MAP4K4: variants seen among roughly 807,000 people sequenced by gnomAD.
MAP4K4 encodes mitogen-activated protein kinase kinase kinase kinase 4, also known as HPK/GCK-like kinase HGK.
In MAP4K4, 38 loss-of-function variants were observed where a neutral mutation model predicts 189.6. The ratio of observed to expected loss-of-function variants is 0.20; its 90% CI spans 0.15 to 0.26. MAP4K4 has a LOEUF of 0.26. Ranked by LOEUF, MAP4K4 falls within the 10% of genes least tolerant of loss-of-function variation. The probability of loss-of-function intolerance (pLI) is 1.00; values close to 1 mark genes in which losing one functional copy is unlikely to be tolerated. For synonymous variants in MAP4K4, 610 were observed against 624.3 expected (o/e 0.98, Z 0.34); for missense variants, 1,054 against 1,726.9 (o/e 0.61, Z 6.91).
At chr2:101,771,718 A>G (rs1412539289) in intron 2 of MAP4K4, among the ~76,000 whole-genome samples, 1 of 152,190 alleles carries the variant, frequency 6.6e-6, no homozygotes, top group Non-Finnish European at 1.5e-5. Flanking sequence ...ATGAGGCCAG[A>G]TTGATCTTTG....
At chr2:101,881,587 TC>T (rs1238470711) in intron 27 of MAP4K4, among the ~76,000 whole-genome samples, 1 of 152,200 alleles carries the variant, frequency 6.6e-6, no homozygotes, top group Non-Finnish European at 1.5e-5. Flanking sequence ...AGAAGGGAAA[TC>T]CTTCACTTGT....
intron 2 of MAP4K4, among the ~76,000 whole-genome samples, chr2:101,727,588 T>A (rs1476207960): frequency 6.6e-6 from 1 of 152,232 alleles, no homozygotes; most frequent in African/African-American, 2.4e-5. Context: ...GGGAAGTATA[T>A]ACAGGTTAAT....
intron 3 of MAP4K4, among the ~76,000 whole-genome samples, chr2:101,820,583 G>A (rs1374818397): frequency 2.6e-5 from 4 of 152,198 alleles, no homozygotes; most frequent in Non-Finnish European, 4.4e-5. Flanking sequence ...TGGCTTTTTA[G>A]AGCACATGTT....
intron 2 of MAP4K4, among the ~76,000 whole-genome samples, chr2:101,708,732 A>G (rs191481421): frequency 2.0e-5 from 3 of 152,340 alleles, no homozygotes; most frequent in Admixed American, 6.5e-5. Flanking sequence ...GAACACTTTG[A>G]TCATGCCAGT....
In MAP4K4 at chr2:101,729,456, G is replaced by T. The variant is rs537375794; in HGVS notation, c.123+30918G>T. On this transcript the variant is annotated intron_variant, in intron 2 of 32. Transcript: ENST00000324219. ...AAAATACATGTTATAGGTGTCTTGG[G>T]TGGTGGTTTTAACTGTATTTTTTAT... is the stretch of plus-strand genomic sequence containing the variant. Among the ~76,000 whole-genome samples, 54 of 152,278 alleles carry T rather than the reference G, an allele frequency of 3.5e-4. 2 individuals carry two copies. The South Asian group carries it at 0.011, about 31-fold the overall frequency.
chr2:101,797,045 A>G (rs1376095479), intron 3 of MAP4K4, among the ~76,000 whole-genome samples: 1 of 152,222 alleles, frequency 6.6e-6, no homozygotes, highest in Non-Finnish European at 1.5e-5. Context: ...CAGGGAGTTC[A>G]TGCTCTGGTA....
intron 7 of MAP4K4, among the ~76,000 whole-genome samples, chr2:101,833,737 A>G (rs2096657801): frequency 6.6e-6 from 1 of 152,212 alleles, no homozygotes; most frequent in Non-Finnish European, 1.5e-5. Flanking sequence ...CTTTCATGGA[A>G]CTTATATTTG....
Position 101,811,370 on chromosome 2 carries a change from CA to C in MAP4K4, c.181-12537del, listed in dbSNP as rs71378177. ...ATGGCGACAGAGTGAGACTGCGTCT[CA>C]AAAAAAAAAAAAAAAAAAAAGAATG... On this transcript the variant is annotated intron_variant, in intron 3 of 32. Coordinates refer to ENST00000324219, the Ensembl canonical transcript of MAP4K4. 8.7e-3 allele frequency among the ~76,000 whole-genome samples: 597 copies of C among 68,882 alleles called. 2 individuals carry two copies. The highest frequency in any genetic ancestry group is 0.032 in the African/African-American group (562 of 17,494). 45.2% of individuals were successfully genotyped at this position (68,882 alleles called of 152,430 possible).
rs543491277 is a variant in MAP4K4 at position 101,883,384 on chromosome 2, C to T, written c.3520+699C>T. 3.3e-5 allele frequency among the ~76,000 whole-genome samples: 5 copies of T among 151,932 alleles called. 1 individual carries two copies. The South Asian group carries it at 1.0e-3, about 32-fold the overall frequency. ...TTTGCTCTTGTTACCCAGGCTGGAGCGCAATGGTGCGATCTCAGCTCACTG... is the reference window on the plus strand; with the variant it reads ...TTTGCTCTTGTTACCCAGGCTGGAGTGCAATGGTGCGATCTCAGCTCACTG... On this transcript the variant is annotated intron_variant, in intron 28 of 32. Transcript: ENST00000324219.
intron 30 of MAP4K4, 105 bp from the exon 31 acceptor site, chr2:101,887,673 C>T (rs971031523): frequency 3.9e-6 from 3 of 769,602 alleles, no homozygotes; most frequent in Non-Finnish European, 6.2e-6. Flanking sequence ...TATTTATCTT[C>T]AGAGATATGG....
intron 11 of MAP4K4, among the ~76,000 whole-genome samples, chr2:101,843,692 G>C (rs1398030380): frequency 6.6e-6 from 1 of 152,090 alleles, no homozygotes; most frequent in East Asian, 1.9e-4. Flanking sequence ...GACAGGGCTT[G>C]GTGGTTGACC....
At chr2:101,886,333 G>A (rs1408758117) in intron 29 of MAP4K4, among the ~76,000 whole-genome samples, 1 of 152,130 alleles carries the variant, frequency 6.6e-6, no homozygotes, top group Non-Finnish European at 1.5e-5. Context: ...CCAGGCTGTT[G>A]TAGCACATAC....
At position 101,744,100 on chromosome 2, in the gene MAP4K4, T is replaced by G. The variant is rs370258146; in HGVS notation, c.123+45562T>G. On this transcript the variant is annotated intron_variant, in intron 2 of 32. Transcript: ENST00000324219. ...GAGTGGAAGATTAGCGTGAAACTTG[T>G]CTTAGGCTTGTAAAACAAAATGTCA... Among the ~76,000 whole-genome samples the G allele has an allele frequency of 1.3e-3, 198 of 152,252 alleles. 1 individual carries two copies. Among genetic ancestry groups the G allele is most frequent in the African/African-American group, 4.5e-3 (185 of 41,566 alleles).
intron 7 of MAP4K4, 117 bp downstream of exon 7, chr2:101,831,968 T>G: frequency 8.0e-7 from 1 of 1,254,892 alleles, no homozygotes; most frequent in Admixed American, 2.8e-5. Flanking sequence ...AGGAAGACCT[T>G]CAGTGAGGAA....
At chr2:101,766,115 T>C (rs1475421860) in intron 2 of MAP4K4, among the ~76,000 whole-genome samples, 1 of 152,230 alleles carries the variant, frequency 6.6e-6, no homozygotes, top group Non-Finnish European at 1.5e-5. Context: ...TTTTTATCTT[T>C]GACTGCTTCT....
At position 101,811,275 on chromosome 2, in the gene MAP4K4, G is replaced by GCAGGAGAATCACTTGAGCC; in HGVS notation, c.181-12646_181-12628dup. Reference sequence around the variant, plus strand: ...AGTCCCAGCTACTCGGGAAGCTGAGGCAGGAGAATCACTTGAGCCCAGGAG... The same window carrying GCAGGAGAATCACTTGAGCC: ...AGTCCCAGCTACTCGGGAAGCTGAGGCAGGAGAATCACTTGAGCCCAGGAGAATCACTTGAGCCCAGGAG... On this transcript the variant is annotated intron_variant, in intron 3 of 32. Transcript: ENST00000324219. Among the ~76,000 whole-genome samples, 3 of 143,252 alleles carry GCAGGAGAATCACTTGAGCC rather than the reference G, an allele frequency of 2.1e-5. No homozygotes were observed. The Admixed American group carries it at 2.3e-4, about 11-fold the overall frequency. The allele number at this position is 143,252 out of a possible 152,430, so 94.0% of individuals were successfully genotyped here.
At chr2:101,829,685 A>G (rs564046126) in intron 6 of MAP4K4, 91 bp downstream of exon 6, 2 of 820,906 alleles carry the variant, frequency 2.4e-6, no homozygotes, top group East Asian at 5.4e-5. Flanking sequence ...CTAAAAGTTC[A>G]GTCTTACCCA....
At chr2:101,732,899 A>C (rs2059076977) in intron 2 of MAP4K4, among the ~76,000 whole-genome samples, 1 of 152,274 alleles carries the variant, frequency 6.6e-6, no homozygotes, top group African/African-American at 2.4e-5. Flanking sequence ...CCTTGCTCCC[A>C]TTTTAAGTGC....
At chr2:101,744,127 G>A (rs1372710884) in intron 2 of MAP4K4, among the ~76,000 whole-genome samples, 1 of 143,344 alleles carries the variant, frequency 7.0e-6, no homozygotes, top group East Asian at 1.9e-4. Context: ...AAAATGTCAG[G>A]GAAGTCTTCA....
Sources: allele counts gnomAD v4.1 joint callset (sites outside exome capture counted in the v4.1 genomes callset), GRCh38; gene constraint gnomAD v4.1.1; transcripts MANE v1.5; gene names NCBI Gene and HGNC (gene_info 2026-07-23, HGNC 2026-07-21).